LIPF: variants seen among roughly 807,000 people sequenced by gnomAD.
The protein encoded by LIPF is lipase F, gastric type, also known as gastric triacylglycerol lipase.
LIPF carries 25 observed loss-of-function variants against 38.0 expected under a neutral mutation model. The observed-to-expected ratio is 0.66, with a 90% CI of 0.48 to 0.92. The LOEUF (loss-of-function observed/expected upper bound fraction) is 0.92. LIPF is among the 40% of genes least tolerant of loss of function. The pLI is 0.00. For synonymous variants in LIPF, 161 were observed against 156.2 expected (o/e 1.03, Z -0.23); for missense variants, 410 against 469.9 (o/e 0.87, Z 1.18).
At position 88,669,196 on chromosome 10, in the gene LIPF, C is replaced by T. The variant is rs143895946; in HGVS notation, c.422+440C>T. ...ATCATGGGCTTCTCTCACTGGTCTT[C>T]TTGTGCCTTATTCCTGGAAATTACT... On this transcript the variant is annotated intron_variant, in intron 4 of 9. Coordinates refer to ENST00000238983, the MANE Select transcript of LIPF (RefSeq NM_004190.4). 1.2e-3 allele frequency: 198 copies of T among 161,480 alleles called. 1 individual carries two copies. Among genetic ancestry groups the T allele is most frequent in the African/African-American group, 4.5e-3 (188 of 41,656 alleles). 10.0% of individuals were successfully genotyped at this position (161,480 alleles called of 1,614,324 possible). A position where few individuals can be genotyped will look rare whatever the true frequency, so the allele number is the denominator to read the frequency against.
chr10:88,667,471 A>C (rs1476924336), intron 2 of LIPF, 69 bp downstream of exon 2: 5 of 1,071,490 alleles, frequency 4.7e-6, no homozygotes. Context: ...AATGAGTTAA[A>C]GATTTTATAT....
At chr10:88,670,223 C>T (rs943894869) in intron 5 of LIPF, among the ~76,000 whole-genome samples, 1 of 152,110 alleles carries the variant, frequency 6.6e-6, no homozygotes, top group African/African-American at 2.4e-5. Context: ...CAGCCACTGA[C>T]CTAAGTTTAT....
intron 3 of LIPF, among the ~76,000 whole-genome samples, chr10:88,667,909 A>G (rs1841539253): frequency 6.6e-6 from 1 of 152,242 alleles, no homozygotes; most frequent in Non-Finnish European, 1.5e-5. Context: ...CCAATGAAAT[A>G]GATAAGTAAA....
rs766065507 is a variant in LIPF at position 88,676,206 on chromosome 10, TA to T, written c.889-2del. On this transcript the variant is annotated splice_acceptor_variant, in intron 8 of 9. Transcript: ENST00000238983. LOFTEE classifies it high-confidence loss of function. Reference sequence around the variant, plus strand: ...TTGTTTGCTTTTAATTTCTCTATGTTAGGCTGTTAAGTCTGGGAAATTCCAA... The same window carrying T: ...TTGTTTGCTTTTAATTTCTCTATGTTGGCTGTTAAGTCTGGGAAATTCCAA... 11 of 1,581,976 alleles carry T rather than the reference TA, an allele frequency of 7.0e-6. No homozygotes were observed. Among genetic ancestry groups the T allele is most frequent in the African/African-American group, 1.4e-5 (1 of 74,024 alleles).
chr10:88,665,979 C>T (rs11202804), intron 1 of LIPF, among the ~76,000 whole-genome samples: 1 of 151,924 alleles, frequency 6.6e-6, no homozygotes, highest in South Asian at 2.1e-4. Flanking sequence ...CCTCCTGATC[C>T]GCCCGCCTCG....
intron 8 of LIPF, 99 bp from the exon 9 acceptor site, chr10:88,676,109 TA>T (rs1841682148): frequency 1.5e-6 from 1 of 659,168 alleles, no homozygotes; most frequent in African/African-American, 1.9e-5. Context: ...TGTTTCTTAA[TA>T]ATTGTTTAAA....
rs369068120 is a variant in LIPF at position 88,667,369 on chromosome 10, A to G, written c.72A>G (p.Leu24=). The change falls in exon 2 of 10, where the codon TTA becomes TTG. Residue 24 remains leucine, a synonymous_variant. Transcript: ENST00000238983. ...LGTTHGLFGK[L]HPGSPEVTMN... ...CTACACATGGTTTGTTTGGAAAATT[A>G]CATCCTGGAAGCCCTGAAGTGACTA... 9.9e-5 allele frequency: 159 copies of G among 1,610,488 alleles called. No homozygotes were observed. The highest frequency in any genetic ancestry group is 1.3e-4 in the Non-Finnish European group (153 of 1,176,870).
At chr10:88,675,563 T>C in intron 7 of LIPF, 23 bp from the exon 8 acceptor site, 1 of 1,550,198 alleles carries the variant, frequency 6.5e-7, no homozygotes, top group Non-Finnish European at 8.9e-7. Context: ...ATGTATATAA[T>C]ATGTGTGTCT....
chr10:88,670,526 G>A (rs552349087), intron 5 of LIPF, among the ~76,000 whole-genome samples: 1 of 152,310 alleles, frequency 6.6e-6, no homozygotes, highest in East Asian at 1.9e-4. Flanking sequence ...AGGTCAGAGA[G>A]TGAGTCATGT....
chr10:88,675,783 C>A, intron 8 of LIPF, 126 bp downstream of exon 8: 1 of 564,116 alleles, frequency 1.8e-6, no homozygotes, highest in South Asian at 3.0e-5. Context: ...CACTGACTAC[C>A]ATACAAAAAT....
Position 88,667,315 on chromosome 10 carries a change from A to G in LIPF, c.18A>G (p.Thr6=), listed in dbSNP as rs554192712. The G allele has an allele frequency of 1.2e-5, 20 of 1,612,318 alleles. No individual in the cohort carries two copies. The East Asian group carries it at 4.2e-4, about 34-fold the overall frequency. The change falls in exon 2 of 10, where the codon ACA becomes ACG. Residue 6 remains threonine (T), a synonymous_variant. Transcript: ENST00000238983. ...GGTCCAAAATGTGGCTGCTTTTAAC[A>G]ATGGCAAGTTTGATATCTGTACTGG... is the stretch of plus-strand genomic sequence containing the variant. The part of the protein sequence containing the change: MWLLL[T]MASLISVLGT...
At chr10:88,674,371 C>A (rs1350658003) in intron 7 of LIPF, among the ~76,000 whole-genome samples, 1 of 151,830 alleles carries the variant, frequency 6.6e-6, no homozygotes, top group African/African-American at 2.4e-5. Flanking sequence ...GGTTTCATCG[C>A]GTTAGCCAGG....
chr10:88,677,640 T>G (rs1315715174), intron 9 of LIPF, among the ~76,000 whole-genome samples: 1 of 152,186 alleles, frequency 6.6e-6, no homozygotes, highest in Non-Finnish European at 1.5e-5. Flanking sequence ...AAGTTGGCTA[T>G]TACACAAAAT....
At chr10:88,664,926 A>T (rs1360087687) in intron 1 of LIPF, among the ~76,000 whole-genome samples, 1 of 152,254 alleles carries the variant, frequency 6.6e-6, no homozygotes, top group Non-Finnish European at 1.5e-5. Context: ...ATTGATCATT[A>T]TTAATACGAT....
At chr10:88,672,497 T>A (rs551410716) in intron 6 of LIPF, among the ~76,000 whole-genome samples, 2 of 152,276 alleles carry the variant, frequency 1.3e-5, no homozygotes, top group African/African-American at 4.8e-5. Flanking sequence ...GGCGATCTCA[T>A]AAGTCAGTGG....
intron 6 of LIPF, among the ~76,000 whole-genome samples, chr10:88,672,625 AACAC>A (rs71471111): frequency 0.15 from 20,035 of 130,350 alleles, 1,731 homozygotes; most frequent in Non-Finnish European, 0.22. Context: ...CAGTAAAACC[AACAC>A]ACACACACAC....
chr10:88,677,471 C>T (rs1841705899), intron 9 of LIPF, among the ~76,000 whole-genome samples: 1 of 152,140 alleles, frequency 6.6e-6, no homozygotes, highest in African/African-American at 2.4e-5. Flanking sequence ...GGGCCAGCAT[C>T]TAGAAAACTC....
At chr10:88,668,938 A>G (rs961011745) in intron 4 of LIPF, 182 bp downstream of exon 4, 19 of 582,288 alleles carry the variant, frequency 3.3e-5, no homozygotes, top group Non-Finnish European at 5.4e-5. Flanking sequence ...TTTTCCTTCA[A>G]ACTTTTGTGA....
intron 6 of LIPF, among the ~76,000 whole-genome samples, chr10:88,672,650 ACACACACACACACACACACACT>A (rs1392038352): frequency 7.3e-6 from 1 of 136,400 alleles, no homozygotes; most frequent in African/African-American, 3.1e-5. Flanking sequence ...ACACACACAC[ACACACACACACACACACACACT>A]CTCTCTCTCT....
Sources: allele counts gnomAD v4.1 joint callset (sites outside exome capture counted in the v4.1 genomes callset), GRCh38; gene constraint gnomAD v4.1.1; transcripts MANE v1.5; gene names NCBI Gene and HGNC (gene_info 2026-07-23, HGNC 2026-07-21).